The following NRXN1 variants were observed in gnomAD, a reference collection of about 807,000 sequenced individuals.
NRXN1 encodes neurexin-1.
NRXN1 carries 39 observed loss-of-function variants against 150.9 expected under a neutral mutation model. The observed-to-expected ratio is 0.26, with a 90% CI of 0.20 to 0.34. The LOEUF (loss-of-function observed/expected upper bound fraction) is 0.34, where lower values mean the gene tolerates loss of function less well. Ranked by LOEUF, NRXN1 falls within the 10% of genes least tolerant of loss-of-function variation. The pLI is 1.00. For synonymous variants in NRXN1, 924 were observed against 757.0 expected, an observed-to-expected ratio of 1.22 and a Z score of -3.62; for missense variants, 1,815 against 1,949.9, an observed-to-expected ratio of 0.93 and a Z score of 1.30.
At chr2:50,654,931 T>TCA (rs990456894) in intron 5 of NRXN1, among the ~76,000 whole-genome samples, 1 of 151,998 alleles carries the variant, frequency 6.6e-6, no homozygotes, top group Non-Finnish European at 1.5e-5. Context: ...ATTATCCATT[T>TCA]CACACTCTCC....
At chr2:49,957,836 T>C (rs575188589) in intron 21 of NRXN1, among the ~76,000 whole-genome samples, 7 of 152,260 alleles carry the variant, frequency 4.6e-5, no homozygotes, top group African/African-American at 1.7e-4. Flanking sequence ...TATATCCCAG[T>C]TTCCTGGCTC....
At chr2:50,317,202 T>C (rs1272024987) in intron 17 of NRXN1, among the ~76,000 whole-genome samples, 2 of 151,874 alleles carry the variant, frequency 1.3e-5, no homozygotes, top group East Asian at 3.9e-4. Flanking sequence ...GGAAAGAGAA[T>C]GGACAAAAGA....
intron 2 of NRXN1, among the ~76,000 whole-genome samples, chr2:51,006,289 G>C: frequency 6.7e-6 from 1 of 150,326 alleles, no homozygotes; most frequent in South Asian, 2.1e-4. Flanking sequence ...GTAAACTATC[G>C]CAAGGACAAA....
chr2:50,857,825 A>G (rs1256055002), intron 5 of NRXN1, among the ~76,000 whole-genome samples: 9 of 151,988 alleles, frequency 5.9e-5, no homozygotes, highest in African/African-American at 2.2e-4. Context: ...GATTAAAAAA[A>G]ACAGACAATG....
rs568059453 is a variant in NRXN1 at position 50,246,933 on chromosome 2, T to C, written c.3365-9963A>G. 8.5e-5 allele frequency among the ~76,000 whole-genome samples: 13 copies of C among 152,266 alleles called. No homozygotes were observed. In the East Asian group the frequency reaches 2.5e-3, roughly 29 times the overall value. ...TTCTAGGTATCCTTATAAAAAATTA[T>C]GTGCTTTTATTCACTTACTAATTAT... On this transcript the variant is annotated intron_variant, in intron 17 of 22. Coordinates refer to ENST00000401669, the MANE Select transcript of NRXN1 (RefSeq NM_001330078.2).
intron 21 of NRXN1, among the ~76,000 whole-genome samples, chr2:49,998,658 A>G (rs920321291): frequency 6.6e-6 from 1 of 152,112 alleles, no homozygotes; most frequent in Non-Finnish European, 1.5e-5. Context: ...GATGATGGAC[A>G]TAATTTAACC....
At chr2:50,624,455 T>G (rs1680627769) in intron 5 of NRXN1, among the ~76,000 whole-genome samples, 1 of 152,128 alleles carries the variant, frequency 6.6e-6, no homozygotes, top group Non-Finnish European at 1.5e-5. Flanking sequence ...GGCATTATTT[T>G]AATTTTCAGT....
rs1360748387 is a variant in NRXN1, at chr2:50,524,611, T to C, written c.2374+4014A>G. Among the ~76,000 whole-genome samples, 6 of 152,042 alleles carry C rather than the reference T, an allele frequency of 3.9e-5. No homozygotes were observed. The South Asian group carries it at 1.2e-3, about 32-fold the overall frequency. On this transcript the variant is annotated intron_variant, in intron 12 of 22. Transcript: ENST00000401669. ...CATTGATTTGGAAAAACAAAAAGAA[T>C]AGAAAGCATAAGAAAACCAAGAAAC...
intron 5 of NRXN1, among the ~76,000 whole-genome samples, chr2:50,705,578 A>G (rs1694321496): frequency 6.6e-6 from 1 of 152,208 alleles, no homozygotes; most frequent in Non-Finnish European, 1.5e-5. Flanking sequence ...TTACTGGATA[A>G]TCTCCTGACC....
At chr2:50,847,241 T>C (rs1014648791) in intron 5 of NRXN1, among the ~76,000 whole-genome samples, 38 of 152,058 alleles carry the variant, frequency 2.5e-4, no homozygotes, top group African/African-American at 8.9e-4. Context: ...TTATTATTAT[T>C]TTTACTTTTT....
chr2:50,683,744 G>C (rs1321414269), intron 5 of NRXN1, among the ~76,000 whole-genome samples: 3 of 145,796 alleles, frequency 2.1e-5, no homozygotes, highest in Non-Finnish European at 4.5e-5. Flanking sequence ...TACTTCAGCT[G>C]CCCCAAAGGA....
intron 18 of NRXN1, among the ~76,000 whole-genome samples, chr2:50,102,940 A>G (rs1018006996): frequency 1.3e-5 from 2 of 152,096 alleles, no homozygotes; most frequent in African/African-American, 4.8e-5. Context: ...ATGCGTAACA[A>G]AAGTAAAATA....
At chr2:50,950,128 T>C (rs1691065886) in intron 2 of NRXN1, among the ~76,000 whole-genome samples, 1 of 152,172 alleles carries the variant, frequency 6.6e-6, no homozygotes, top group Admixed American at 6.5e-5. Context: ...CTTTTCCACT[T>C]GTTTCTTTTT....
intron 8 of NRXN1, among the ~76,000 whole-genome samples, chr2:50,593,540 C>A (rs1332434438): frequency 6.6e-6 from 1 of 152,108 alleles, no homozygotes; most frequent in African/African-American, 2.4e-5. Context: ...AAAAGGAAAA[C>A]ACTTTATGAA....
chr2:50,842,046 C>T (rs938186467), intron 5 of NRXN1, among the ~76,000 whole-genome samples: 1 of 152,154 alleles, frequency 6.6e-6, no homozygotes, highest in African/African-American at 2.4e-5. Context: ...AATTTTATAG[C>T]CCCAACTGGA....
At chr2:50,283,024 T>C (rs1278609954) in intron 17 of NRXN1, among the ~76,000 whole-genome samples, 7 of 152,176 alleles carry the variant, frequency 4.6e-5, no homozygotes, top group Non-Finnish European at 1.0e-4. Flanking sequence ...CAATAAGATA[T>C]TTCACCTATC....
At chr2:50,674,691 G>C (rs537981686) in intron 5 of NRXN1, among the ~76,000 whole-genome samples, 2 of 152,190 alleles carry the variant, frequency 1.3e-5, no homozygotes, top group East Asian at 1.9e-4. Context: ...ATGGAGATGA[G>C]ACAGTGGTAA....
intron 5 of NRXN1, among the ~76,000 whole-genome samples, chr2:50,825,596 C>T (rs1193418654): frequency 6.6e-6 from 1 of 152,160 alleles, no homozygotes; most frequent in East Asian, 1.9e-4. Context: ...CCCCTTCTTC[C>T]GTACATCTTC....
At chr2:50,183,026 T>C (rs1468302416) in intron 18 of NRXN1, among the ~76,000 whole-genome samples, 1 of 152,044 alleles carries the variant, frequency 6.6e-6, no homozygotes, top group Non-Finnish European at 1.5e-5. Context: ...TGATATTGAG[T>C]CTAAACCTCC....
Sources: gnomAD v4.1 joint callset for allele counts (sites outside exome capture counted in the v4.1 genomes callset) on GRCh38, gnomAD v4.1.1 for gene constraint, MANE v1.5 for transcripts, NCBI Gene and HGNC (gene_info 2026-07-23, HGNC 2026-07-21) for gene names.